The following COMMD2 variants were observed in gnomAD, a reference collection of about 807,000 sequenced individuals.
COMMD2 encodes the protein COMM domain-containing protein 2.
COMMD2 carries 25 observed loss-of-function variants against 22.5 expected under a neutral mutation model. The ratio of observed to expected loss-of-function variants is 1.11; its 90% CI spans 0.81 to 1.55. The LOEUF is 1.55. Ranked by LOEUF, COMMD2 falls within the 40% of genes most tolerant of loss-of-function variation. COMMD2 has a pLI of 0.00. For synonymous variants in COMMD2, 98 were observed against 91.2 expected (o/e 1.07, Z -0.42); for missense variants, 223 against 232.9 (o/e 0.96, Z 0.28).
intron 4 of COMMD2, among the ~76,000 whole-genome samples, chr3:149,748,097 C>T (rs1435348933): frequency 6.6e-6 from 1 of 151,676 alleles, no homozygotes; most frequent in Non-Finnish European, 1.5e-5. Flanking sequence ...AAGTATGATG[C>T]AGGTAAGAGA....
intron 4 of COMMD2, among the ~76,000 whole-genome samples, chr3:149,745,581 G>A (rs530933774): frequency 6.6e-6 from 1 of 152,274 alleles, no homozygotes; most frequent in African/African-American, 2.4e-5. Context: ...CTTAAAGGCA[G>A]CACTGCTATG....
Position 149,741,507 on chromosome 3 carries a change from C to A in COMMD2, c.*14G>T. 6.2e-7 allele frequency: 1 copy of A among 1,600,834 alleles called. No individual in the cohort carries two copies. The highest frequency in any genetic ancestry group is 8.6e-7 in the Non-Finnish European group (1 of 1,168,078). On this transcript the variant is annotated 3_prime_UTR_variant, in exon 5 of 5. Coordinates refer to ENST00000473414, the MANE Select transcript of COMMD2 (RefSeq NM_016094.4). ...CATAAGTGATTCAAATGAATTAAAA[C>A]CTTAAAACTGGTACTACTTGATGTT... is the stretch of plus-strand genomic sequence containing the variant.
Position 149,752,229 on chromosome 3 carries a change from T to C in COMMD2, c.126A>G (p.Lys42=). 6.2e-7 allele frequency: 1 copy of C among 1,614,080 alleles called. No individual in the cohort carries two copies. Among genetic ancestry groups the C allele is most frequent in the African/African-American group, 1.3e-5 (1 of 75,036 alleles). ...VEFLRRGANP[K]IYEGAARKLN... ...TCTTACTGGCGGCGCCTTCGTAGAT[T>C]TTTGGGTTTGCGCCGCGTCTCAGGA... The change falls in exon 2 of 5, where the codon AAA becomes AAG. Residue 42 remains lysine, a synonymous_variant. Transcript: ENST00000473414.
chr3:149,747,172 T>A (rs1293111108), intron 4 of COMMD2, among the ~76,000 whole-genome samples: 1 of 152,246 alleles, frequency 6.6e-6, no homozygotes, highest in Non-Finnish European at 1.5e-5. Context: ...AGTGGAGATG[T>A]CAAATAGGCT....
At chr3:149,743,667 A>G (rs1387074842) in intron 4 of COMMD2, among the ~76,000 whole-genome samples, 1 of 152,248 alleles carries the variant, frequency 6.6e-6, no homozygotes, top group Non-Finnish European at 1.5e-5. Flanking sequence ...AACATAAAAT[A>G]GGTACTTGCA....
intron 4 of COMMD2, among the ~76,000 whole-genome samples, chr3:149,748,603 G>A (rs532036940): frequency 1.3e-5 from 2 of 152,356 alleles, no homozygotes; most frequent in African/African-American, 4.8e-5. Context: ...TTAGAGCACA[G>A]ATCAGCAAAC....
intron 3 of COMMD2, among the ~76,000 whole-genome samples, chr3:149,751,145 A>G (rs1021653662): frequency 1.3e-5 from 2 of 152,194 alleles, no homozygotes; most frequent in East Asian, 3.8e-4. Context: ...CCTCTTATGT[A>G]TCTTCTTAAG....
chr3:149,752,070 T>G (rs1716547006), intron 2 of COMMD2, 140 bp downstream of exon 2: 1 of 678,106 alleles, frequency 1.5e-6, no homozygotes, highest in Non-Finnish European at 2.5e-6. Context: ...GCACCCTGAC[T>G]GAAGAGCTCT....
Position 149,741,272 on chromosome 3 carries a change from T to C in COMMD2, c.*249A>G. 2.6e-6 allele frequency: 1 copy of C among 387,538 alleles called. No individual in the cohort carries two copies. Among genetic ancestry groups the C allele is most frequent in the Non-Finnish European group, 4.8e-6 (1 of 208,454 alleles). The allele number at this position is 387,538 out of a possible 1,614,324, so 24.0% of individuals were successfully genotyped here. A position where few individuals can be genotyped will look rare whatever the true frequency, so the allele number is the denominator to read the frequency against. On this transcript the variant is annotated 3_prime_UTR_variant, in exon 5 of 5. Coordinates refer to ENST00000473414, the MANE Select transcript of COMMD2 (RefSeq NM_016094.4). Reference sequence around the variant, plus strand: ...TAGTAGAGATGGGGTTTCACCATGTTAGCCAGGAAGGTCTCAATCTCCTGA... The same window carrying C: ...TAGTAGAGATGGGGTTTCACCATGTCAGCCAGGAAGGTCTCAATCTCCTGA...
Position 149,751,421 on chromosome 3 carries a change from A to T in COMMD2, c.210T>A (p.Thr70=). 6.2e-7 allele frequency: 1 copy of T among 1,614,052 alleles called. No individual in the cohort carries two copies. The highest frequency in any genetic ancestry group is 8.5e-7 in the Non-Finnish European group (1 of 1,179,906). ...HGVEGLTYLL[T]ESSKLMISEL... Reference sequence around the variant, plus strand: ...CCCTTACCATGAGCTTTGAGCTCTCAGTGAGGAGATACGTTAATCCTTCCA... The same window carrying T: ...CCCTTACCATGAGCTTTGAGCTCTCTGTGAGGAGATACGTTAATCCTTCCA... Residue 70 remains threonine, a synonymous_variant, in exon 3 of 5, where the codon ACT becomes ACA. Transcript: ENST00000473414.
chr3:149,751,604 A>T, intron 2 of COMMD2, 119 bp from the exon 3 acceptor site: 2 of 926,308 alleles, frequency 2.2e-6, no homozygotes, highest in Non-Finnish European at 3.1e-6. Context: ...CTGCATGAAA[A>T]ACAGTAAGTT....
rs1716168636 is a variant in COMMD2, at chr3:149,740,002, A to T, written c.*1519T>A. The T allele has an allele frequency of 6.6e-6, 1 of 152,214 alleles. No individual in the cohort carries two copies. Among genetic ancestry groups the T allele is most frequent in the Non-Finnish European group, 1.5e-5 (1 of 68,050 alleles). 9.4% of individuals were successfully genotyped at this position (152,214 alleles called of 1,614,324 possible). ...GATTGCAACATGGTATCACTCTGAT[A>T]TGAAAATCCCTAATTCTTACGAAGC... is the stretch of plus-strand genomic sequence containing the variant. On this transcript the variant is annotated 3_prime_UTR_variant, in exon 5 of 5. Coordinates refer to ENST00000473414, the MANE Select transcript of COMMD2 (RefSeq NM_016094.4).
At chr3:149,750,197 A>G (rs2108252909) in intron 4 of COMMD2, 1 of 185,548 alleles carries the variant, frequency 5.4e-6, no homozygotes, top group South Asian at 9.7e-5. Context: ...GTCATTCCAT[A>G]TATACAAAGT....
Position 149,752,366 on chromosome 3 carries a change from A to G in COMMD2, c.67+12T>C. On this transcript the variant is annotated intron_variant, in intron 1 of 4. Transcript: ENST00000473414. ...CCCCAGCCCACAGAACACCGCCCCC[A>G]CGCCCGCTGACCCGCGCTGTCCACT... 1 of 1,614,014 alleles carries G rather than the reference A, an allele frequency of 6.2e-7. No homozygotes were observed. Among genetic ancestry groups the G allele is most frequent in the East Asian group, 2.2e-5 (1 of 44,878 alleles).
At chr3:149,744,798 C>A (rs1335457980) in intron 4 of COMMD2, among the ~76,000 whole-genome samples, 1 of 152,178 alleles carries the variant, frequency 6.6e-6, no homozygotes, top group Admixed American at 6.5e-5. Context: ...CTCTGAGTAG[C>A]TTTTCTAGCC....
Position 149,751,495 on chromosome 3 carries a change from A to C in COMMD2, c.146-10T>G. 1 of 1,580,224 alleles carries C rather than the reference A, an allele frequency of 6.3e-7. No homozygotes were observed. Among genetic ancestry groups the C allele is most frequent in the Non-Finnish European group, 8.6e-7 (1 of 1,163,934 alleles). ...CTCACATTGAGTTTTCCTGAGAAAG[A>C]AAAGTAAAAACGAGCAAATAAATTA... On this transcript the variant is annotated splice_polypyrimidine_tract_variant and intron_variant, in intron 2 of 4. Transcript: ENST00000473414.
intron 4 of COMMD2, among the ~76,000 whole-genome samples, chr3:149,744,277 T>C (rs1490139097): frequency 6.6e-6 from 1 of 152,140 alleles, no homozygotes; most frequent in Non-Finnish European, 1.5e-5. Context: ...GCAAAAAACA[T>C]CAAGTAGGAA....
At position 149,738,874 on chromosome 3, in the gene COMMD2, C is replaced by T. The variant is rs1395030807; in HGVS notation, c.*2647G>A. The T allele has an allele frequency of 6.6e-6, 1 of 152,124 alleles. No individual in the cohort carries two copies. Among genetic ancestry groups the T allele is most frequent in the Non-Finnish European group, 1.5e-5 (1 of 68,000 alleles). 9.4% of individuals were successfully genotyped at this position (152,124 alleles called of 1,614,324 possible). ...TCTTATAGCATCTTCACCACCTTTCCCGTTTACTGTCTTAAATGTGCCCAA... is the reference window on the plus strand; with the variant it reads ...TCTTATAGCATCTTCACCACCTTTCTCGTTTACTGTCTTAAATGTGCCCAA... On this transcript the variant is annotated 3_prime_UTR_variant, in exon 5 of 5. Transcript: ENST00000473414.
intron 4 of COMMD2, among the ~76,000 whole-genome samples, chr3:149,748,346 A>G (rs1716433380): frequency 6.6e-6 from 1 of 152,222 alleles, no homozygotes; most frequent in Non-Finnish European, 1.5e-5. Context: ...GTCAACACCT[A>G]AGCATGTGGA....
Sources: allele counts gnomAD v4.1 joint callset (sites outside exome capture counted in the v4.1 genomes callset), GRCh38; gene constraint gnomAD v4.1.1; transcripts MANE v1.5; gene names NCBI Gene and HGNC (gene_info 2026-07-23, HGNC 2026-07-21).